Variants in RAP1GAP2 observed in about 807,000 individuals in gnomAD.
The protein encoded by RAP1GAP2 is RAP1 GTPase activating protein 2, also known as rap1 GTPase-activating protein 2.
Under a neutral mutation model 95.0 loss-of-function variants are expected in RAP1GAP2, and 27 were observed. The observed-to-expected ratio is 0.28, with a 90% confidence interval of 0.21 to 0.39. The LOEUF is 0.39. Ranked by LOEUF, RAP1GAP2 falls within the 10% of genes least tolerant of loss-of-function variation. The pLI is 1.00. For synonymous variants in RAP1GAP2, 373 were observed against 380.9 expected (o/e 0.98, Z 0.24); for missense variants, 771 against 970.0 (o/e 0.79, Z 2.72).
chr17:2,808,174 C>T (rs2069602108), intron 2 of RAP1GAP2, among the ~76,000 whole-genome samples: 1 of 152,096 alleles, frequency 6.6e-6, no homozygotes, highest in Admixed American at 6.5e-5. Context: ...GGTGGTGTGA[C>T]AAGGACCCCG....
chr17:2,813,106 CTG>C (rs982971397), intron 2 of RAP1GAP2, among the ~76,000 whole-genome samples: 1 of 151,288 alleles, frequency 6.6e-6, no homozygotes, highest in Non-Finnish European at 1.5e-5. Context: ...GAGTCTCGCC[CTG>C]TCGCCCAGGC....
intron 22 of RAP1GAP2, among the ~76,000 whole-genome samples, chr17:3,028,765 C>T (rs1408880620): frequency 1.3e-5 from 2 of 152,152 alleles, no homozygotes; most frequent in East Asian, 1.9e-4. Context: ...CTCTGAGCCT[C>T]AGTTTCCTCA....
At chr17:2,808,004 C>T (rs1264434444) in intron 2 of RAP1GAP2, among the ~76,000 whole-genome samples, 2 of 152,204 alleles carry the variant, frequency 1.3e-5, no homozygotes, top group African/African-American at 4.8e-5. Context: ...CGGGGAGGAT[C>T]CTGGCCATTC....
intron 2 of RAP1GAP2, among the ~76,000 whole-genome samples, chr17:2,839,947 C>T (rs750328813): frequency 2.0e-5 from 3 of 151,212 alleles, no homozygotes; most frequent in East Asian, 3.9e-4. Flanking sequence ...TACAGGCATG[C>T]GCCACCACGC....
At chr17:2,894,087 C>T (rs995462892) in intron 2 of RAP1GAP2, among the ~76,000 whole-genome samples, 4 of 151,976 alleles carry the variant, frequency 2.6e-5, no homozygotes, top group Non-Finnish European at 5.9e-5. Context: ...ACGAGCCTGG[C>T]CAACATGGCG....
chr17:2,775,041 A>G (rs1340181660), upstream of RAP1GAP2, among the ~76,000 whole-genome samples: 2 of 149,808 alleles, frequency 1.3e-5, no homozygotes, highest in Admixed American at 1.3e-4. Context: ...CATGTTGACC[A>G]GGTTGGCCTT....
intron 10 of RAP1GAP2, among the ~76,000 whole-genome samples, chr17:2,983,433 C>T (rs927429417): frequency 5.9e-5 from 9 of 152,028 alleles, no homozygotes; most frequent in Non-Finnish European, 1.3e-4. Context: ...TTCTCAGGAG[C>T]GTCATAAAAA....
In RAP1GAP2 at chr17:2,853,100, C is replaced by A. The variant is rs73310084; in HGVS notation, c.81-52184C>A. On this transcript the variant is annotated intron_variant, in intron 2 of 24. Coordinates refer to ENST00000254695, the MANE Select transcript of RAP1GAP2 (RefSeq NM_015085.5). ...AGTCAAACTCCCAGGGCCGGGAGAGCCAGTGTTCGCGGGGAGCCGACCCCA... is the reference window on the plus strand; with the variant it reads ...AGTCAAACTCCCAGGGCCGGGAGAGACAGTGTTCGCGGGGAGCCGACCCCA... Among the ~76,000 whole-genome samples the A allele has an allele frequency of 6.8e-3, 1,027 of 152,108 alleles. 12 individuals are homozygous for A. The highest frequency in any genetic ancestry group is 0.023 in the African/African-American group (965 of 41,524).
rs542603792 is a variant in RAP1GAP2, at chr17:3,034,977, CTTTTTT to C, written c.*1628_*1633del. On this transcript the variant is annotated 3_prime_UTR_variant, in exon 25 of 25. Coordinates refer to ENST00000254695, the MANE Select transcript of RAP1GAP2 (RefSeq NM_015085.5). The surrounding 1 kb of genome is among the most constrained non-coding windows in gnomAD (Gnocchi z 5.1). ...CTGTGCCCAAGATATAAATACTACACTTTTTTTTTTTTTTTTTAACTGACATTGTGA... is the reference window on the plus strand; with the variant it reads ...CTGTGCCCAAGATATAAATACTACACTTTTTTTTTTTAACTGACATTGTGA... 24 of 138,638 alleles carry C rather than the reference CTTTTTT, an allele frequency of 1.7e-4. No individual in the cohort carries two copies. Among genetic ancestry groups the C allele is most frequent in the African/African-American group, 6.5e-4 (24 of 37,176 alleles). 8.6% of individuals were successfully genotyped at this position (138,638 alleles called of 1,614,324 possible). A position where few individuals can be genotyped will look rare whatever the true frequency, so the allele number is the denominator to read the frequency against.
rs146800706 is a variant in RAP1GAP2, at chr17:2,764,169, C to T, written c.51-6160C>T. On this transcript the variant is annotated intron_variant, in intron 1 of 25. Coordinates refer to the RAP1GAP2 transcript ENST00000637138. The stretch of plus-strand genomic sequence containing the variant: ...AAAATAGGCTGTGCGCAGTGGCTCA[C>T]GCCTGTAATCCCAGCATTTTGGGAG... 7.7e-3 allele frequency among the ~76,000 whole-genome samples: 1,174 copies of T among 152,248 alleles called. 13 individuals are homozygous for T. The highest frequency in any genetic ancestry group is 0.02 in the African/African-American group (817 of 41,534).
In RAP1GAP2 at chr17:2,859,826, G is replaced by A. The variant is rs141100831; in HGVS notation, c.81-45458G>A. 3.2e-3 allele frequency among the ~76,000 whole-genome samples: 483 copies of A among 152,232 alleles called. 6 individuals carry two copies. Among genetic ancestry groups the A allele is most frequent in the Non-Finnish European group, 1.6e-3 (106 of 68,012 alleles). On this transcript the variant is annotated intron_variant, in intron 2 of 24. Coordinates refer to ENST00000254695, the MANE Select transcript of RAP1GAP2 (RefSeq NM_015085.5). ...TCCCACAGTCAGGATTTTGTGGATG[G>A]CATCTCCTGGTGTTATTTAACATGT...
intron 3 of RAP1GAP2, among the ~76,000 whole-genome samples, chr17:2,939,060 C>A (rs1425869859): frequency 6.6e-6 from 1 of 152,180 alleles, no homozygotes; most frequent in Non-Finnish European, 1.5e-5. Flanking sequence ...CCTCTGCACA[C>A]CCCTTTCCAG....
In RAP1GAP2 at chr17:2,995,414, T is replaced by C; in HGVS notation, c.992T>C (p.Ile331Thr). ...TACACAACATTCCGGGACAGGGAGATCATGTTTCACGTTTCCACAAAGCTG... is the reference window on the plus strand; with the variant it reads ...TACACAACATTCCGGGACAGGGAGACCATGTTTCACGTTTCCACAAAGCTG... ...SVYTTFRDRE[I>T]MFHVSTKLPF... Residue 331 changes from isoleucine (I) to threonine (T), a missense_variant, in exon 13 of 25, where the codon ATC (isoleucine) becomes ACC (threonine). Ile to Thr is a moderately conservative substitution (Grantham distance 89). Transcript: ENST00000254695. The C allele has an allele frequency of 6.2e-7, 1 of 1,613,904 alleles. No homozygotes were observed. The highest frequency in any genetic ancestry group is 8.5e-7 in the Non-Finnish European group (1 of 1,179,848).
Position 2,903,580 on chromosome 17 carries a change from C to A in RAP1GAP2, c.81-1704C>A, listed in dbSNP as rs941763246. Among the ~76,000 whole-genome samples the A allele has an allele frequency of 6.6e-6, 1 of 152,150 alleles. No individual in the cohort carries two copies. The highest frequency in any genetic ancestry group is 1.5e-5 in the Non-Finnish European group (1 of 68,018). ...TACAGCCTGGATCAGGCGGGAGAGT[C>A]CCCCCTCTCCAGCCATCAAAACTTA... On this transcript the variant is annotated intron_variant, in intron 2 of 24. Transcript: ENST00000254695. This position sits in a 1 kb window ranked among gnomAD's most constrained non-coding sequence, Gnocchi z 4.1.
At chr17:2,762,149 A>G (rs1048686671) in intron 1 of RAP1GAP2, among the ~76,000 whole-genome samples, 2 of 150,820 alleles carry the variant, frequency 1.3e-5, no homozygotes, top group South Asian at 2.1e-4. Context: ...CACCACGCCC[A>G]GCTAATTTTT....
In RAP1GAP2 at chr17:2,842,122, G is replaced by A. The variant is rs1460957353; in HGVS notation, c.80+41572G>A. On this transcript the variant is annotated intron_variant, in intron 2 of 24. Coordinates refer to ENST00000254695, the MANE Select transcript of RAP1GAP2 (RefSeq NM_015085.5). The stretch of plus-strand genomic sequence containing the variant: ...GGTCCTTGTCATTCTCATCACTCAG[G>A]GGAAGAGACCTGTCCAGGTCACCAG... Among the ~76,000 whole-genome samples the A allele has an allele frequency of 2.6e-5, 4 of 152,170 alleles. No individual in the cohort carries two copies. In the East Asian group the frequency reaches 7.7e-4, roughly 29 times the overall value.
Position 2,758,810 on chromosome 17 carries a change from T to C in RAP1GAP2, c.50+3043T>C, listed in dbSNP as rs1288376863. ...TAGACTCACTGAACTGAAAAAACTC[T>C]AGGAGCTCTTCATGTTTCAGGCACA... On this transcript the variant is annotated intron_variant, in intron 1 of 25. Coordinates refer to the RAP1GAP2 transcript ENST00000637138. Among the ~76,000 whole-genome samples, 4 of 152,182 alleles carry C rather than the reference T, an allele frequency of 2.6e-5. No individual in the cohort carries two copies. The East Asian group carries it at 7.7e-4, about 29-fold the overall frequency.
chr17:2,997,662 G>A (rs1461668570), intron 13 of RAP1GAP2, among the ~76,000 whole-genome samples: 1 of 152,078 alleles, frequency 6.6e-6, no homozygotes, highest in Non-Finnish European at 1.5e-5. Context: ...GTTGGGCACA[G>A]TGGCTTATGC....
chr17:2,908,154 A>G (rs946397879), intron 3 of RAP1GAP2, among the ~76,000 whole-genome samples: 7 of 152,156 alleles, frequency 4.6e-5, no homozygotes, highest in Admixed American at 4.6e-4. Context: ...TACACAGGGC[A>G]GCTTGAGAAG....
Sources: allele counts gnomAD v4.1 joint callset (sites outside exome capture counted in the v4.1 genomes callset), GRCh38; gene constraint gnomAD v4.1.1; non-coding constraint Gnocchi (gnomAD v3.1); transcripts MANE v1.5; gene names NCBI Gene and HGNC (gene_info 2026-07-23, HGNC 2026-07-21).